PEX5L: variants seen among roughly 807,000 people sequenced by gnomAD.
The protein encoded by PEX5L is peroxisomal biogenesis factor 5 like.
A neutral mutation model predicts 84.0 loss-of-function variants in PEX5L; 30 were observed. That is an observed-to-expected ratio of 0.36 (90% CI 0.27 to 0.48). The LOEUF (loss-of-function observed/expected upper bound fraction) is 0.48, where lower values mean the gene tolerates loss of function less well. Among genes scored for constraint, PEX5L ranks in the 20% least tolerant of loss-of-function variants. The probability of loss-of-function intolerance (pLI) is 0.99; values close to 1 mark genes in which losing one functional copy is unlikely to be tolerated. For synonymous variants in PEX5L, 270 were observed against 283.1 expected (o/e 0.95, Z 0.46); for missense variants, 533 against 754.6 (o/e 0.71, Z 3.44).
At chr3:180,022,552 T>C (rs1790512350) in intron 1 of PEX5L, among the ~76,000 whole-genome samples, 1 of 152,244 alleles carries the variant, frequency 6.6e-6, no homozygotes, top group Non-Finnish European at 1.5e-5. Flanking sequence ...CTTGGTTAAC[T>C]ACCTTATTAA....
intron 8 of PEX5L, among the ~76,000 whole-genome samples, chr3:179,836,316 A>G (rs1734910534): frequency 6.6e-6 from 1 of 152,200 alleles, no homozygotes; most frequent in Non-Finnish European, 1.5e-5. Context: ...TTAGATGTAT[A>G]CTTATTTTGT....
chr3:179,898,218 G>C lies in PEX5L; in HGVS notation c.122C>G (p.Ala41Gly). 6.2e-7 allele frequency: 1 copy of C among 1,613,326 alleles called. No homozygotes were observed. The highest frequency in any genetic ancestry group is 8.5e-7 in the Non-Finnish European group (1 of 1,179,412). Residue 41 changes from alanine (A) to glycine (G), a missense_variant, in exon 3 of 15, where the codon GCT becomes GGT. By Grantham distance (60) the Ala-to-Gly change is moderately conservative (BLOSUM62 0). Transcript: ENST00000467460. ...TATCTCCTTCATCACCATGGCAACA[G>C]CCTTATCTGCCGCCCTAGAGCCTTT... ...QGKGSRAADK[A>G]VAMVMKEIPR...
At chr3:180,007,320 C>T (rs1211616504) in intron 1 of PEX5L, among the ~76,000 whole-genome samples, 1 of 152,162 alleles carries the variant, frequency 6.6e-6, no homozygotes, top group Non-Finnish European at 1.5e-5. Flanking sequence ...AGGTGGGTTC[C>T]CGTGGTTTTG....
intron 3 of PEX5L, among the ~76,000 whole-genome samples, chr3:179,889,290 A>G (rs1239372373): frequency 6.6e-6 from 1 of 152,136 alleles, no homozygotes; most frequent in Admixed American, 6.5e-5. Context: ...CTATGGGGAG[A>G]AAGTGCACTT....
chr3:180,019,435 C>G (rs553633452), intron 1 of PEX5L, among the ~76,000 whole-genome samples: 1 of 152,168 alleles, frequency 6.6e-6, no homozygotes, highest in Non-Finnish European at 1.5e-5. Context: ...GCTCCTGGCT[C>G]TGGTTGGAAT....
intron 2 of PEX5L, among the ~76,000 whole-genome samples, chr3:179,907,916 C>T (rs544457748): frequency 2.0e-5 from 3 of 152,232 alleles, no homozygotes; most frequent in African/African-American, 7.2e-5. Context: ...AGCTGGTTCC[C>T]CAGTCACCAA....
rs1417001855 is a variant in PEX5L at position 179,801,018 on chromosome 3, C to T, written c.*810G>A. The T allele has an allele frequency of 1.3e-5, 2 of 152,532 alleles. No individual in the cohort carries two copies. The highest frequency in any genetic ancestry group is 1.9e-4 in the East Asian group (1 of 5,192). The allele number at this position is 152,532 out of a possible 1,614,324, so 9.4% of individuals were successfully genotyped here. A position where few individuals can be genotyped will look rare whatever the true frequency, so the allele number is the denominator to read the frequency against. ...TTGCCATATTTACGCCTTATGTCATCGTATCTGCTTTAAGAAAAACACTTC... is the reference window on the plus strand; with the variant it reads ...TTGCCATATTTACGCCTTATGTCATTGTATCTGCTTTAAGAAAAACACTTC... On this transcript the variant is annotated 3_prime_UTR_variant, in exon 15 of 15. Transcript: ENST00000467460.
At chr3:179,893,072 A>G (rs1758084651) in intron 3 of PEX5L, among the ~76,000 whole-genome samples, 1 of 152,184 alleles carries the variant, frequency 6.6e-6, no homozygotes, top group African/African-American at 2.4e-5. Flanking sequence ...GCTTGTTGTC[A>G]ATCAGAATGC....
chr3:179,808,415 C>A lies in PEX5L; in HGVS notation c.1375G>T (p.Glu459Ter). 1 of 1,553,664 alleles carries A rather than the reference C, an allele frequency of 6.4e-7. No individual in the cohort carries two copies. Among genetic ancestry groups the A allele is most frequent in the Non-Finnish European group, 8.7e-7 (1 of 1,152,844 alleles). The change falls in exon 13 of 15, where the codon GAA becomes TAA. Residue 459 changes from glutamate (E) to a stop codon, truncating the protein, a stop_gained. Coordinates refer to ENST00000467460, the MANE Select transcript of PEX5L (RefSeq NM_016559.3). LOFTEE classifies it high-confidence loss of function. The part of the protein sequence containing the change: ...VDSSVLEGVK[E>*]LYLEAAHQNG... ...TGGTGGGCAGCTTCCAGATATAATT[C>A]CTTCACCCCTTCCAGAACAGAGCTA...
At chr3:179,968,204 T>A (rs909318831) in intron 2 of PEX5L, among the ~76,000 whole-genome samples, 3 of 152,168 alleles carry the variant, frequency 2.0e-5, no homozygotes, top group South Asian at 4.1e-4. Context: ...GAAAACATTT[T>A]AAAAAATTGT....
chr3:179,981,108 C>A (rs1357579829), intron 1 of PEX5L, among the ~76,000 whole-genome samples: 1 of 151,848 alleles, frequency 6.6e-6, no homozygotes, highest in African/African-American at 2.4e-5. Flanking sequence ...ATCACAAACA[C>A]CAACTAATGC....
chr3:179,989,733 A>G (rs1787208549), intron 1 of PEX5L, among the ~76,000 whole-genome samples: 1 of 152,200 alleles, frequency 6.6e-6, no homozygotes, highest in Non-Finnish European at 1.5e-5. Flanking sequence ...CAACTTTGAC[A>G]CAATTATTCC....
chr3:179,838,672 G>A (rs1014128895), intron 8 of PEX5L, among the ~76,000 whole-genome samples: 1 of 152,116 alleles, frequency 6.6e-6, no homozygotes, highest in Non-Finnish European at 1.5e-5. Flanking sequence ...TGAAGATTAA[G>A]TAAGATAGAA....
intron 1 of PEX5L, among the ~76,000 whole-genome samples, chr3:179,995,232 G>GTA (rs1787779278): frequency 6.8e-6 from 1 of 147,646 alleles, no homozygotes; most frequent in African/African-American, 2.5e-5. Context: ...TACATAGTGT[G>GTA]TATATATATA....
At position 179,972,795 on chromosome 3, in the gene PEX5L, A is replaced by G. The variant is rs1228091361; in HGVS notation, c.22-1130T>C. ...ATTTACACATTTTTTTCCCGCAAAA[A>G]CATATCTCCAATTTTTGTGGGTTTT... On this transcript the variant is annotated intron_variant, in intron 1 of 14. Coordinates refer to ENST00000467460, the MANE Select transcript of PEX5L (RefSeq NM_016559.3). Among the ~76,000 whole-genome samples the G allele has an allele frequency of 2.0e-5, 3 of 151,908 alleles. No homozygotes were observed. In the East Asian group the frequency reaches 5.8e-4, roughly 29 times the overall value.
intron 1 of PEX5L, among the ~76,000 whole-genome samples, chr3:180,024,511 C>T (rs1322159053): frequency 2.0e-5 from 3 of 146,864 alleles, no homozygotes; most frequent in African/African-American, 7.6e-5. Context: ...TGCCACTGCA[C>T]TCCAGCCTGG....
chr3:179,991,718 A>G (rs758014230), intron 1 of PEX5L, among the ~76,000 whole-genome samples: 28 of 152,168 alleles, frequency 1.8e-4, no homozygotes, highest in Non-Finnish European at 3.7e-4. Flanking sequence ...CTTTCCCTCT[A>G]TGTATAAACA....
intron 1 of PEX5L, among the ~76,000 whole-genome samples, chr3:179,988,419 TA>T (rs375255212): frequency 1.4e-5 from 2 of 146,934 alleles, no homozygotes; most frequent in Non-Finnish European, 3.0e-5. Flanking sequence ...AATAAATAAA[TA>T]AAATAAAAAA....
Position 179,961,605 on chromosome 3 carries a change from T to A in PEX5L, c.93+9989A>T, listed in dbSNP as rs556943370. On this transcript the variant is annotated intron_variant, in intron 2 of 14. Transcript: ENST00000467460. ...GTCGAAGAGAAAAAGGGAACTTTACTCTGTAAACTCTCCCTGTTGTTTAAA... is the reference window on the plus strand; with the variant it reads ...GTCGAAGAGAAAAAGGGAACTTTACACTGTAAACTCTCCCTGTTGTTTAAA... Among the ~76,000 whole-genome samples, 8 of 152,302 alleles carry A rather than the reference T, an allele frequency of 5.3e-5. No individual in the cohort carries two copies. The East Asian group carries it at 1.4e-3, about 26-fold the overall frequency.
Sources: gnomAD v4.1 joint callset for allele counts (sites outside exome capture counted in the v4.1 genomes callset) on GRCh38, gnomAD v4.1.1 for gene constraint, MANE v1.5 for transcripts, NCBI Gene and HGNC (gene_info 2026-07-23, HGNC 2026-07-21) for gene names.